Variants in GALNT13 observed in about 807,000 individuals in gnomAD.
The protein encoded by GALNT13 is UDP-GalNAc:polypeptide N-acetylgalactosaminyltransferase 13.
A neutral mutation model predicts 64.2 loss-of-function variants in GALNT13; 28 were observed. The observed-to-expected ratio is 0.44, with a 90% CI of 0.32 to 0.60. The LOEUF is 0.60. Among genes scored for constraint, GALNT13 ranks in the 20% least tolerant of loss-of-function variants. GALNT13 has a pLI of 0.05. For synonymous variants in GALNT13, 214 were observed against 224.6 expected (o/e 0.95, Z 0.42); for missense variants, 577 against 669.8 (o/e 0.86, Z 1.53).
At chr2:153,777,130 T>C in the GALNT13 span, among the ~76,000 whole-genome samples, 2 of 149,638 alleles carry the variant, frequency 1.3e-5, no homozygotes, top group Admixed American at 6.6e-5. Context: ...AGCTATAATA[T>C]GCAGATCAGA....
At chr2:153,127,904 T>C in the GALNT13 span, among the ~76,000 whole-genome samples, 1 of 152,188 alleles carries the variant, frequency 6.6e-6, no homozygotes, top group African/African-American at 2.4e-5. Flanking sequence ...ATTTGCTGAG[T>C]ATTTACTATG....
the GALNT13 span, among the ~76,000 whole-genome samples, chr2:153,068,503 G>A: frequency 6.6e-6 from 1 of 152,120 alleles, no homozygotes; most frequent in South Asian, 2.1e-4. Flanking sequence ...AATACAGATG[G>A]TTTTAGCCAA....
At chr2:154,281,794 C>T (rs1362161831) in intron 8 of GALNT13, among the ~76,000 whole-genome samples, 1 of 152,032 alleles carries the variant, frequency 6.6e-6, no homozygotes, top group Non-Finnish European at 1.5e-5. Flanking sequence ...TTTCACTCTA[C>T]TTTTTCCTCT....
At chr2:154,197,397 G>T (rs981993444) in intron 4 of GALNT13, among the ~76,000 whole-genome samples, 2 of 152,024 alleles carry the variant, frequency 1.3e-5, no homozygotes, top group South Asian at 4.1e-4. Context: ...CAATGACCAC[G>T]CATTGTATTC....
At chr2:153,719,550 T>C in the GALNT13 span, among the ~76,000 whole-genome samples, 17 of 151,702 alleles carry the variant, frequency 1.1e-4, no homozygotes, top group Admixed American at 5.3e-4. Flanking sequence ...TCTGAGGTAC[T>C]GGGTTCATCT....
the GALNT13 span, among the ~76,000 whole-genome samples, chr2:153,277,927 C>CTTTT: frequency 0.023 from 1,858 of 79,816 alleles, 271 homozygotes; most frequent in Non-Finnish European, 0.032. Flanking sequence ...TCTTTTCTTT[C>CTTTT]TTTTTTTTTT....
chr2:153,077,988 A>G, the GALNT13 span, among the ~76,000 whole-genome samples: 11 of 152,136 alleles, frequency 7.2e-5, 1 homozygote, highest in African/African-American at 2.7e-4. Context: ...CTGGTTTTGT[A>G]TTTTTCAGCA....
chr2:153,235,237 A>T, the GALNT13 span, among the ~76,000 whole-genome samples: 1 of 152,168 alleles, frequency 6.6e-6, no homozygotes, highest in Non-Finnish European at 1.5e-5. Flanking sequence ...TCCTCTAAGT[A>T]TACTCAGTGG....
intron 9 of GALNT13, among the ~76,000 whole-genome samples, chr2:154,394,295 A>G (rs1482571801): frequency 6.6e-6 from 1 of 152,100 alleles, no homozygotes; most frequent in Non-Finnish European, 1.5e-5. Flanking sequence ...ATAGTATTTC[A>G]TGACGTGAAA....
chr2:153,078,190 G>A, the GALNT13 span, among the ~76,000 whole-genome samples: 26 of 151,202 alleles, frequency 1.7e-4, no homozygotes, highest in Admixed American at 1.4e-3. Context: ...TTTTTGCATG[G>A]TGATTTTATA....
At chr2:153,688,707 C>T in the GALNT13 span, among the ~76,000 whole-genome samples, 1 of 151,954 alleles carries the variant, frequency 6.6e-6, no homozygotes, top group Non-Finnish European at 1.5e-5. Context: ...CATTATGTTA[C>T]TTATTTATAT....
At chr2:153,598,406 A>G in the GALNT13 span, among the ~76,000 whole-genome samples, 2 of 151,934 alleles carry the variant, frequency 1.3e-5, no homozygotes, top group Non-Finnish European at 2.9e-5. Context: ...CTCTCCCTTC[A>G]TTCAGGTGGG....
chr2:153,820,183 T>G, the GALNT13 span, among the ~76,000 whole-genome samples: 3 of 151,748 alleles, frequency 2.0e-5, no homozygotes, highest in Non-Finnish European at 4.4e-5. Context: ...AAACAAACAT[T>G]CAAGAAAAAA....
At chr2:153,194,528 C>T in the GALNT13 span, among the ~76,000 whole-genome samples, 1 of 152,130 alleles carries the variant, frequency 6.6e-6, no homozygotes, top group Non-Finnish European at 1.5e-5. Context: ...TTGCATCTGA[C>T]TGCACTTCTT....
the GALNT13 span, among the ~76,000 whole-genome samples, chr2:153,588,927 G>A: frequency 1.3e-5 from 2 of 152,120 alleles, no homozygotes; most frequent in African/African-American, 4.8e-5. Context: ...AGCACTTTGG[G>A]AGGCCAAGGC....
chr2:153,383,457 G>C, the GALNT13 span, among the ~76,000 whole-genome samples: 2 of 151,994 alleles, frequency 1.3e-5, no homozygotes, highest in East Asian at 3.9e-4. Context: ...TTATGTAAAG[G>C]TATAAGTATG....
chr2:153,351,401 T>C, the GALNT13 span, among the ~76,000 whole-genome samples: 1 of 152,124 alleles, frequency 6.6e-6, no homozygotes, highest in African/African-American at 2.4e-5. Context: ...GCATAGCCTC[T>C]CCCAGATAAA....
chr2:153,965,682 G>T (rs190963525), intron 3 of GALNT13, among the ~76,000 whole-genome samples: 99 of 149,586 alleles, frequency 6.6e-4, no homozygotes, highest in African/African-American at 2.4e-3. Context: ...TGTTTTTTGT[G>T]TATCTATTTT....
chr2:153,963,984 A>G (rs1693141565), intron 3 of GALNT13, among the ~76,000 whole-genome samples: 1 of 152,088 alleles, frequency 6.6e-6, no homozygotes, highest in Admixed American at 6.6e-5. Context: ...AAGGCCATGA[A>G]AATTCTTTCT....
Sources: gnomAD v4.1 joint callset for allele counts (sites outside exome capture counted in the v4.1 genomes callset) on GRCh38, gnomAD v4.1.1 for gene constraint, MANE v1.5 for transcripts, NCBI Gene and HGNC (gene_info 2026-07-23, HGNC 2026-07-21) for gene names.